The following CAPN5 variants were observed in gnomAD, a reference collection of about 807,000 sequenced individuals.
CAPN5 encodes calpain-5.
CAPN5 carries 54 observed loss-of-function variants against 73.0 expected under a neutral mutation model. The observed-to-expected ratio is 0.74, with a 90% confidence interval of 0.59 to 0.93. CAPN5 has a LOEUF of 0.93. CAPN5 is among the 40% of genes least tolerant of loss of function. The probability of loss-of-function intolerance (pLI) is 0.00; values close to 1 mark genes in which losing one functional copy is unlikely to be tolerated. For synonymous variants in CAPN5, 335 were observed against 356.9 expected (o/e 0.94, Z 0.69); for missense variants, 785 against 882.9 (o/e 0.89, Z 1.41).
intron 1 of CAPN5, among the ~76,000 whole-genome samples, chr11:77,079,481 AT>A (rs1436551151): frequency 1.3e-5 from 2 of 152,004 alleles, no homozygotes; most frequent in African/African-American, 2.4e-5. Flanking sequence ...CATTTTCGTT[AT>A]TGTTTACTAT....
intron 9 of CAPN5, chr11:77,119,752 A>T (rs1950505099): frequency 6.5e-6 from 1 of 154,750 alleles, no homozygotes; most frequent in Non-Finnish European, 1.4e-5. Flanking sequence ...GTACATGCTG[A>T]GTCCTTGGCA....
intron 1 of CAPN5, among the ~76,000 whole-genome samples, chr11:77,072,133 T>C (rs1485082189): frequency 1.3e-5 from 2 of 152,242 alleles, no homozygotes; most frequent in African/African-American, 4.8e-5. Context: ...AGCCACAACC[T>C]GGCTGTGGCA....
intron 3 of CAPN5, among the ~76,000 whole-genome samples, chr11:77,101,876 C>T (rs970563137): frequency 2.0e-5 from 3 of 152,218 alleles, no homozygotes; most frequent in Admixed American, 1.3e-4. Flanking sequence ...GATTCTTCCT[C>T]GGCCCCTGGG....
Position 77,079,460 on chromosome 11 carries a change from A to G in CAPN5, c.-35-5392A>G, listed in dbSNP as rs192842268. On this transcript the variant is annotated intron_variant, in intron 1 of 12. Transcript: ENST00000648180. ...ATCCATCCATAGGGTTGTGTGCAACAACAATTTGTTCATTTTCGTTATTGT... is the reference window on the plus strand; with the variant it reads ...ATCCATCCATAGGGTTGTGTGCAACGACAATTTGTTCATTTTCGTTATTGT... 2.2e-4 allele frequency among the ~76,000 whole-genome samples: 34 copies of G among 152,336 alleles called. No homozygotes were observed. In the East Asian group the frequency reaches 5.2e-3, roughly 23 times the overall value.
Position 77,078,766 on chromosome 11 carries a change from A to T in CAPN5, c.-35-6086A>T, listed in dbSNP as rs371435801. On this transcript the variant is annotated intron_variant, in intron 1 of 12. Transcript: ENST00000648180. ...CTTCAATTTCTTTCATCAGTGTTTC[A>T]TAGTTTTCAGTGTACAAGTCTTTTA... 1.2e-4 allele frequency among the ~76,000 whole-genome samples: 16 copies of T among 139,014 alleles called. No individual in the cohort carries two copies. In the East Asian group the frequency reaches 2.8e-3, roughly 24 times the overall value. 91.2% of individuals were successfully genotyped at this position (139,014 alleles called of 152,430 possible). A position where few individuals can be genotyped will look rare whatever the true frequency, so the allele number is the denominator to read the frequency against.
Position 77,118,959 on chromosome 11 carries a change from G to A in CAPN5, c.1168-71G>A, listed in dbSNP as rs528052528. The A allele has an allele frequency of 4.0e-5, 62 of 1,539,130 alleles. No individual in the cohort carries two copies. In the African/African-American group the frequency reaches 5.1e-4, roughly 13 times the overall value. ...TCCAGGCTCTGGAGTCTGAGCTTCC[G>A]GGAGCCAGCCAGCCCATGCCTGGTG... On this transcript the variant is annotated intron_variant, in intron 8 of 12. Coordinates refer to ENST00000648180, the MANE Select transcript of CAPN5 (RefSeq NM_004055.5).
chr11:77,096,679 G>C (rs539384541), intron 3 of CAPN5, among the ~76,000 whole-genome samples: 1 of 152,368 alleles, frequency 6.6e-6, no homozygotes, highest in African/African-American at 2.4e-5. Context: ...CATTGGTCCT[G>C]GCCTGGCCTA....
intron 3 of CAPN5, among the ~76,000 whole-genome samples, chr11:77,105,590 C>T (rs1401436076): frequency 6.6e-6 from 1 of 152,164 alleles, no homozygotes; most frequent in African/African-American, 2.4e-5. Flanking sequence ...GGGTGAGGTC[C>T]GGCCTGTGCC....
chr11:77,086,577 C>A (rs1950088021), intron 2 of CAPN5, among the ~76,000 whole-genome samples: 1 of 152,212 alleles, frequency 6.6e-6, no homozygotes, highest in South Asian at 2.1e-4. Context: ...AGTTCTGCCT[C>A]TTGGGCCCCC....
intron 3 of CAPN5, among the ~76,000 whole-genome samples, chr11:77,094,078 C>T (rs1950183829): frequency 6.6e-6 from 1 of 152,244 alleles, no homozygotes; most frequent in South Asian, 2.1e-4. Flanking sequence ...GTTGGGGACA[C>T]TTGGCAGATT....
At chr11:77,084,803 A>G in intron 1 of CAPN5, 49 bp from the exon 2 acceptor site, 1 of 1,538,116 alleles carries the variant, frequency 6.5e-7, no homozygotes, top group Non-Finnish European at 9.0e-7. Flanking sequence ...AGGGCACATC[A>G]GGGACCCAGG....
intron 3 of CAPN5, among the ~76,000 whole-genome samples, chr11:77,094,826 G>A (rs564796996): frequency 6.6e-6 from 1 of 152,378 alleles, no homozygotes; most frequent in South Asian, 2.1e-4. Context: ...TTGGCCAAAG[G>A]TGGCTGTGCC....
In CAPN5 at chr11:77,123,954, A is replaced by G. The variant is rs1950549716; in HGVS notation, c.*84A>G. 2 of 1,332,374 alleles carry G rather than the reference A, an allele frequency of 1.5e-6. No homozygotes were observed. Among genetic ancestry groups the G allele is most frequent in the African/African-American group, 1.4e-5 (1 of 69,286 alleles). 82.5% of individuals were successfully genotyped at this position (1,332,374 alleles called of 1,614,324 possible). A position where few individuals can be genotyped will look rare whatever the true frequency, so the allele number is the denominator to read the frequency against. On this transcript the variant is annotated 3_prime_UTR_variant, in exon 13 of 13. Transcript: ENST00000648180. ...GCCTGAGTCTAGCCTGGGAGCCAGG[A>G]TACTGGGGTCCTTTTCCCACTCTTC...
At chr11:77,102,480 C>T (rs112130814) in intron 3 of CAPN5, among the ~76,000 whole-genome samples, 6 of 152,356 alleles carry the variant, frequency 3.9e-5, no homozygotes, top group African/African-American at 1.4e-4. Context: ...AGTGCACTTA[C>T]GAAGTGCTCT....
chr11:77,101,080 G>T (rs551675950), intron 3 of CAPN5, among the ~76,000 whole-genome samples: 2 of 152,340 alleles, frequency 1.3e-5, no homozygotes, highest in South Asian at 2.1e-4. Context: ...CTTGTGTCCC[G>T]TGGTCCATCA....
chr11:77,097,391 A>T (rs533171475), intron 3 of CAPN5, among the ~76,000 whole-genome samples: 2 of 150,632 alleles, frequency 1.3e-5, no homozygotes, highest in South Asian at 4.2e-4. Context: ...AAGTACAAGG[A>T]TGTACAAAGT....
intron 2 of CAPN5, chr11:77,088,055 G>T: frequency 1.3e-6 from 2 of 1,532,596 alleles, no homozygotes; most frequent in Non-Finnish European, 1.7e-6. Flanking sequence ...TCAGGGCCCG[G>T]GACCTGGTAG....
At chr11:77,087,816 G>A (rs1950104589) in intron 2 of CAPN5, 2 of 1,313,790 alleles carry the variant, frequency 1.5e-6, no homozygotes, top group Non-Finnish European at 1.0e-6. Context: ...ACCTTGGTTG[G>A]GACATCCCAT....
At chr11:77,091,002 G>A (rs782320719) in intron 2 of CAPN5, among the ~76,000 whole-genome samples, 6 of 152,332 alleles carry the variant, frequency 3.9e-5, no homozygotes, top group South Asian at 2.1e-4. Context: ...AGAAGCCGCC[G>A]TGCAGGTTGG....
Sources: allele counts gnomAD v4.1 joint callset (sites outside exome capture counted in the v4.1 genomes callset), GRCh38; gene constraint gnomAD v4.1.1; transcripts MANE v1.5; gene names NCBI Gene and HGNC (gene_info 2026-07-23, HGNC 2026-07-21).